The following RBM26 variants were observed in gnomAD, a reference collection of about 807,000 sequenced individuals.
RBM26 encodes the protein RNA binding motif protein 26.
A neutral mutation model predicts 123.6 loss-of-function variants in RBM26; 30 were observed. That is an observed-to-expected ratio of 0.24 (90% CI 0.18 to 0.33). The LOEUF is 0.33. RBM26 is among the 10% of genes least tolerant of loss of function. The probability of loss-of-function intolerance (pLI) is 1.00; values close to 1 mark genes in which losing one functional copy is unlikely to be tolerated. For synonymous variants in RBM26, 400 were observed against 404.4 expected (o/e 0.99, Z 0.13); for missense variants, 947 against 1,203.6 (o/e 0.79, Z 3.15).
intron 1 of RBM26, among the ~76,000 whole-genome samples, chr13:79,395,932 C>CATAGT (rs2140470064): frequency 8.9e-6 from 1 of 112,236 alleles, no homozygotes; most frequent in East Asian, 2.1e-4. Context: ...ATTTTGAAGA[C>CATAGT]ATAGTGACCA....
intron 14 of RBM26, among the ~76,000 whole-genome samples, chr13:79,351,965 G>GT (rs1292815050): frequency 3.9e-5 from 6 of 152,234 alleles, no homozygotes; most frequent in Non-Finnish European, 7.4e-5. Flanking sequence ...GCAAATGATT[G>GT]TAAGGCTTTT....
At chr13:79,391,655 C>T (rs1318718802) in intron 1 of RBM26, among the ~76,000 whole-genome samples, 1 of 152,072 alleles carries the variant, frequency 6.6e-6, no homozygotes. Flanking sequence ...AACTCTTGAA[C>T]TCAAATGATC....
chr13:79,373,983 G>A (rs375430340), intron 3 of RBM26, among the ~76,000 whole-genome samples: 3 of 137,312 alleles, frequency 2.2e-5, no homozygotes, highest in Non-Finnish European at 4.8e-5. Context: ...ATTAGAAAAA[G>A]GGACTTAGAG....
intron 1 of RBM26, among the ~76,000 whole-genome samples, chr13:79,405,106 C>A (rs1348966626): frequency 6.6e-6 from 1 of 152,228 alleles, no homozygotes; most frequent in Non-Finnish European, 1.5e-5. Context: ...CCACTTAAAA[C>A]TGCTAAATAT....
At chr13:79,338,940 A>G (rs142784524) in intron 18 of RBM26, among the ~76,000 whole-genome samples, 2 of 152,324 alleles carry the variant, frequency 1.3e-5, no homozygotes, top group Non-Finnish European at 2.9e-5. Context: ...TCTGGTTTGT[A>G]TAACTGTACA....
intron 21 of RBM26, among the ~76,000 whole-genome samples, chr13:79,321,571 G>A (rs1259359426): frequency 2.6e-5 from 4 of 151,196 alleles, no homozygotes; most frequent in African/African-American, 7.3e-5. Flanking sequence ...TCACTGGCCC[G>A]TACCTCTTAG....
intron 10 of RBM26, among the ~76,000 whole-genome samples, chr13:79,359,368 C>G (rs1483809042): frequency 6.6e-6 from 1 of 152,106 alleles, no homozygotes; most frequent in Non-Finnish European, 1.5e-5. Flanking sequence ...AAATTATGCC[C>G]TGAACTACCA....
At chr13:79,330,171 A>C (rs898825235) in intron 20 of RBM26, among the ~76,000 whole-genome samples, 2 of 152,238 alleles carry the variant, frequency 1.3e-5, no homozygotes, top group Non-Finnish European at 2.9e-5. Flanking sequence ...AAGCTGAAAT[A>C]GTTTATTCAG....
At chr13:79,317,164 T>G (rs1436568709), downstream of RBM26, among the ~76,000 whole-genome samples, 1 of 151,724 alleles carries the variant, frequency 6.6e-6, no homozygotes, top group Admixed American at 6.6e-5. Context: ...TCATCTCTAT[T>G]TTATAGGCTG....
At chr13:79,345,849 T>C (rs554237419) in intron 14 of RBM26, among the ~76,000 whole-genome samples, 1 of 150,164 alleles carries the variant, frequency 6.7e-6, no homozygotes, top group South Asian at 2.1e-4. Flanking sequence ...AACGGTCAGC[T>C]CAAAAAAAAA....
At chr13:79,397,935 T>C (rs886855552) in intron 1 of RBM26, among the ~76,000 whole-genome samples, 1 of 151,994 alleles carries the variant, frequency 6.6e-6, no homozygotes, top group Non-Finnish European at 1.5e-5. Context: ...ACAAAAGAAA[T>C]GCTTCTACAT....
At chr13:79,389,980 T>C (rs1403301274) in intron 1 of RBM26, among the ~76,000 whole-genome samples, 5 of 152,268 alleles carry the variant, frequency 3.3e-5, no homozygotes, top group Non-Finnish European at 7.4e-5. Context: ...CTAGTTGTAG[T>C]AGCAACATAT....
At chr13:79,405,602 G>C in intron 1 of RBM26, 102 bp downstream of exon 1, 1 of 716,974 alleles carries the variant, frequency 1.4e-6, no homozygotes, top group South Asian at 2.4e-5. Flanking sequence ...TCCGTTCACC[G>C]CTTCGGCCTC....
intron 1 of RBM26, among the ~76,000 whole-genome samples, chr13:79,387,430 T>G (rs1339831625): frequency 6.6e-6 from 1 of 152,184 alleles, no homozygotes; most frequent in Non-Finnish European, 1.5e-5. Context: ...CAGTCTGGTA[T>G]TGAAGAAAAG....
At chr13:79,369,174 A>G (rs2075632219) in intron 5 of RBM26, among the ~76,000 whole-genome samples, 184 bp from the exon 6 acceptor site, 1 of 152,184 alleles carries the variant, frequency 6.6e-6, no homozygotes, top group African/African-American at 2.4e-5. Context: ...ATTTCTTTTT[A>G]ATATAACCCA....
intron 16 of RBM26, among the ~76,000 whole-genome samples, chr13:79,343,778 TTTGTACTACA>T (rs1423211082): frequency 1.3e-5 from 2 of 152,082 alleles, no homozygotes; most frequent in East Asian, 3.9e-4. Context: ...TACTTTTTTC[TTTGTACTACA>T]TTTTGAGATC....
intron 6 of RBM26, among the ~76,000 whole-genome samples, chr13:79,367,432 A>AAAAAAAAAAAAAT (rs1566476253): frequency 3.0e-3 from 127 of 42,780 alleles, no homozygotes; most frequent in Non-Finnish European, 5.6e-3. Flanking sequence ...AAAAAAAAAA[A>AAAAAAAAAAAAAT]GAAGAAGAAG....
At chr13:79,336,292 T>G (rs1045243136) in intron 19 of RBM26, among the ~76,000 whole-genome samples, 4 of 152,210 alleles carry the variant, frequency 2.6e-5, no homozygotes, top group Non-Finnish European at 5.9e-5. Context: ...TTATAGTGCT[T>G]AATAAATTAT....
At chr13:79,345,667 A>T (rs2139235406) in intron 14 of RBM26, among the ~76,000 whole-genome samples, 1 of 152,260 alleles carries the variant, frequency 6.6e-6, no homozygotes, top group East Asian at 1.9e-4. Flanking sequence ...ATGGTGTCTA[A>T]AGTCCTTACA....
Sources: allele counts gnomAD v4.1 joint callset (sites outside exome capture counted in the v4.1 genomes callset), GRCh38; gene constraint gnomAD v4.1.1; transcripts MANE v1.5; gene names NCBI Gene and HGNC (gene_info 2026-07-23, HGNC 2026-07-21).